Variants in FGFR1OP2 observed in about 807,000 individuals in gnomAD.
FGFR1OP2 encodes the protein fibroblast growth factor receptor 1 oncogene partner 2.
A neutral mutation model predicts 35.2 loss-of-function variants in FGFR1OP2; 17 were observed. The ratio of observed to expected loss-of-function variants is 0.48; its 90% CI spans 0.33 to 0.73. The LOEUF is 0.73. Ranked by LOEUF, FGFR1OP2 falls within the 30% of genes least tolerant of loss-of-function variation. The pLI is 0.02. For missense variants in FGFR1OP2, 251 were observed against 307.3 expected, an observed-to-expected ratio of 0.82 and a Z score of 1.37; for synonymous variants, 105 against 104.6, an observed-to-expected ratio of 1.00 and a Z score of -0.03.
At chr12:26,945,610 C>G (rs977752100) in intron 1 of FGFR1OP2, among the ~76,000 whole-genome samples, 4 of 152,058 alleles carry the variant, frequency 2.6e-5, no homozygotes, top group South Asian at 2.1e-4. Flanking sequence ...CCTGTAATAC[C>G]AGCACTTTGG....
At chr12:26,943,714 A>G (rs936057521) in intron 1 of FGFR1OP2, among the ~76,000 whole-genome samples, 2 of 152,058 alleles carry the variant, frequency 1.3e-5, no homozygotes, top group African/African-American at 4.8e-5. Flanking sequence ...AATCTCAGCT[A>G]CTCTGGAGGC....
intron 1 of FGFR1OP2, among the ~76,000 whole-genome samples, chr12:26,951,377 T>G (rs1938926491): frequency 6.6e-6 from 1 of 152,118 alleles, no homozygotes; most frequent in South Asian, 2.1e-4. Flanking sequence ...TGTAGTGCAG[T>G]GGTGCAATTT....
Position 26,963,390 on chromosome 12 carries a change from A to G in FGFR1OP2, c.559A>G (p.Arg187Gly). Reference sequence around the variant, plus strand: ...GATAACTGAAATGGCAGCAGTAATGAGGAAAGCCATTGAAATTGACGAGCA... The same window carrying G: ...GATAACTGAAATGGCAGCAGTAATGGGGAAAGCCATTGAAATTGACGAGCA... ...DQITEMAAVMRKAIEIDEQQG... is the reference protein window; with the variant it reads ...DQITEMAAVMGKAIEIDEQQG... The change falls in exon 6 of 7, where the codon AGG becomes GGG. Residue 187 changes from arginine to glycine, a missense_variant. Arg to Gly is a moderately radical substitution (Grantham distance 125). Coordinates refer to ENST00000229395, the MANE Select transcript of FGFR1OP2 (RefSeq NM_015633.3). The G allele has an allele frequency of 6.2e-7, 1 of 1,610,052 alleles. No individual in the cohort carries two copies. The highest frequency in any genetic ancestry group is 8.5e-7 in the Non-Finnish European group (1 of 1,177,504).
At chr12:26,957,566 C>A (rs1939041295) in intron 3 of FGFR1OP2, 35 bp from the exon 4 acceptor site, 1 of 1,571,770 alleles carries the variant, frequency 6.4e-7, no homozygotes, top group African/African-American at 1.4e-5. Context: ...ACTTTTAACT[C>A]AAGTTGGAAT....
intron 2 of FGFR1OP2, among the ~76,000 whole-genome samples, chr12:26,955,749 T>C (rs1157374505): frequency 6.6e-6 from 1 of 152,256 alleles, no homozygotes; most frequent in Admixed American, 6.5e-5. Context: ...TATTTTACTT[T>C]TTTGGCTGGT....
intron 1 of FGFR1OP2, among the ~76,000 whole-genome samples, chr12:26,951,597 G>A (rs1321443612): frequency 6.6e-6 from 1 of 152,158 alleles, no homozygotes; most frequent in Non-Finnish European, 1.5e-5. Context: ...TGGGATTACA[G>A]GTGTGAGCCA....
intron 1 of FGFR1OP2, among the ~76,000 whole-genome samples, chr12:26,944,779 A>G (rs953004110): frequency 6.6e-6 from 1 of 152,190 alleles, no homozygotes; most frequent in African/African-American, 2.4e-5. Flanking sequence ...TTGTATAATA[A>G]TTGGTGTTAT....
At chr12:26,960,057 TG>T (rs1004650984) in intron 4 of FGFR1OP2, among the ~76,000 whole-genome samples, 2 of 152,006 alleles carry the variant, frequency 1.3e-5, no homozygotes, top group African/African-American at 4.8e-5. Flanking sequence ...GAATTAATTA[TG>T]GGCAGGTAGG....
At chr12:26,952,624 GA>G (rs1400481588) in intron 1 of FGFR1OP2, among the ~76,000 whole-genome samples, 1 of 150,704 alleles carries the variant, frequency 6.6e-6, no homozygotes, top group Admixed American at 6.6e-5. Flanking sequence ...TGTGTTTTAT[GA>G]AATATTTTAT....
chr12:26,964,669 C>A lies in FGFR1OP2; in HGVS notation c.698C>A (p.Ala233Glu), dbSNP rs779685571. The A allele has an allele frequency of 8.1e-6, 13 of 1,612,264 alleles. No individual in the cohort carries two copies. Among genetic ancestry groups the A allele is most frequent in the Non-Finnish European group, 1.1e-5 (13 of 1,179,312 alleles). The change falls in exon 7 of 7, where the codon GCG becomes GAG. Residue 233 changes from alanine (A) to glutamate (E), a missense_variant. Ala to Glu is a moderately radical substitution (Grantham distance 107, BLOSUM62 -1). Transcript: ENST00000229395. Reference sequence around the variant, plus strand: ...TTTTTGAACCTAAGGAAAGATGATGCGTCGGAAAGTACTTCTTTGTCAGCA... The same window carrying A: ...TTTTTGAACCTAAGGAAAGATGATGAGTCGGAAAGTACTTCTTTGTCAGCA... ...ESFLNLRKDD[A>E]SESTSLSALV...
rs1467004603 is a variant in FGFR1OP2, at chr12:26,960,542, G to A, written c.424G>A (p.Glu142Lys). 10 of 1,613,050 alleles carry A rather than the reference G, an allele frequency of 6.2e-6. No homozygotes were observed. The highest frequency in any genetic ancestry group is 2.2e-5 in the East Asian group (1 of 44,838). Residue 142 changes from glutamate (E) to lysine (K), a missense_variant, in exon 5 of 7, where the codon GAA becomes AAA. Glu to Lys is a moderately conservative substitution (Grantham distance 56). Transcript: ENST00000229395. Reference sequence around the variant, plus strand: ...TGACATGGTACATCGTAACAAGTCCGAAGGATTCTTCCTTGATGCATCTCG... The same window carrying A: ...TGACATGGTACATCGTAACAAGTCCAAAGGATTCTTCCTTGATGCATCTCG... ...KIDMVHRNKS[E>K]GFFLDASRHI...
chr12:26,958,995 T>C (rs1339811541), intron 4 of FGFR1OP2, among the ~76,000 whole-genome samples: 1 of 152,282 alleles, frequency 6.6e-6, no homozygotes, highest in South Asian at 2.1e-4. Context: ...TATTTATCTA[T>C]TATTGAAACA....
intron 4 of FGFR1OP2, among the ~76,000 whole-genome samples, chr12:26,959,194 G>A (rs928932798): frequency 6.6e-6 from 1 of 151,966 alleles, no homozygotes; most frequent in African/African-American, 2.4e-5. Flanking sequence ...TTAAAAATTT[G>A]TGTTTAATGT....
intron 4 of FGFR1OP2, among the ~76,000 whole-genome samples, chr12:26,958,406 T>A (rs1203573630): frequency 6.6e-6 from 1 of 152,222 alleles, no homozygotes; most frequent in Non-Finnish European, 1.5e-5. Context: ...CTAATAAATT[T>A]GTGTATTGAC....
In FGFR1OP2 at chr12:26,960,569, C is replaced by G. The variant is rs1939089918; in HGVS notation, c.451C>G (p.His151Asp). Reference protein sequence around the residue: ...SEGFFLDASRHILEAPQHGLE... With the variant: ...SEGFFLDASRDILEAPQHGLE... The stretch of plus-strand genomic sequence containing the variant: ...AGGATTCTTCCTTGATGCATCTCGA[C>G]ACATCCTTGAAGCACCTCAACATGG... Residue 151 changes from histidine (H) to aspartate (D), a missense_variant, in exon 5 of 7, where the codon CAC (histidine) becomes GAC (aspartate). His to Asp is a moderately conservative substitution (Grantham distance 81). Transcript: ENST00000229395. 6.2e-7 allele frequency: 1 copy of G among 1,613,492 alleles called. No homozygotes were observed. The highest frequency in any genetic ancestry group is 8.5e-7 in the Non-Finnish European group (1 of 1,179,766).
chr12:26,953,167 G>C lies in FGFR1OP2; in HGVS notation c.-14-978G>C, dbSNP rs145993276. Among the ~76,000 whole-genome samples the C allele has an allele frequency of 4.1e-3, 619 of 151,096 alleles. 6 individuals are homozygous for C. The highest frequency in any genetic ancestry group is 0.014 in the African/African-American group (579 of 41,144). ...TAGTCCCAGCTACTCGGGAGGCTGA[G>C]GCAGGAAAATGGCGTGAACCTGGGA... is the stretch of plus-strand genomic sequence containing the variant. On this transcript the variant is annotated intron_variant, in intron 1 of 6. Coordinates refer to ENST00000229395, the MANE Select transcript of FGFR1OP2 (RefSeq NM_015633.3).
chr12:26,950,213 GTTTTTT>G (rs1174799685), intron 1 of FGFR1OP2, among the ~76,000 whole-genome samples: 6 of 50,942 alleles, frequency 1.2e-4, no homozygotes, highest in South Asian at 1.1e-3. Flanking sequence ...TGTATTCGTT[GTTTTTT>G]TTTTTTTTTT....
At chr12:26,943,159 A>G (rs1455947664) in intron 1 of FGFR1OP2, among the ~76,000 whole-genome samples, 1 of 152,166 alleles carries the variant, frequency 6.6e-6, no homozygotes, top group Non-Finnish European at 1.5e-5. Flanking sequence ...AACTTTTGGC[A>G]TATAGATGTC....
At chr12:26,956,030 T>A (rs554834867) in intron 2 of FGFR1OP2, among the ~76,000 whole-genome samples, 397 of 151,150 alleles carry the variant, frequency 2.6e-3, no homozygotes, top group South Asian at 6.0e-3. Flanking sequence ...TTTTTTTTTT[T>A]AAAAAAAAGC....
Sources: allele counts gnomAD v4.1 joint callset (sites outside exome capture counted in the v4.1 genomes callset), GRCh38; gene constraint gnomAD v4.1.1; transcripts MANE v1.5; gene names NCBI Gene and HGNC (gene_info 2026-07-23, HGNC 2026-07-21).